The following GPR158 variants were observed in gnomAD, a reference collection of about 807,000 sequenced individuals.
The protein encoded by GPR158 is G protein-coupled receptor 158.
Under a neutral mutation model 78.2 loss-of-function variants are expected in GPR158, and 30 were observed. The ratio of observed to expected loss-of-function variants is 0.38; its 90% CI spans 0.29 to 0.52. GPR158 has a LOEUF of 0.52. GPR158 is among the 20% of genes least tolerant of loss of function. GPR158 has a pLI of 0.83. For missense variants in GPR158, 1,463 were observed against 1,523.5 expected (o/e 0.96, Z 0.66); for synonymous variants, 581 against 591.1 (o/e 0.98, Z 0.25).
At chr10:25,529,456 TAGAA>T (rs766767197) in intron 5 of GPR158, among the ~76,000 whole-genome samples, 1 of 152,138 alleles carries the variant, frequency 6.6e-6, no homozygotes, top group Non-Finnish European at 1.5e-5. Flanking sequence ...TTGGAATTCA[TAGAA>T]AGACTTCTTA....
intron 2 of GPR158, among the ~76,000 whole-genome samples, chr10:25,312,293 C>T (rs938279325): frequency 1.3e-5 from 2 of 151,910 alleles, no homozygotes; most frequent in South Asian, 2.1e-4. Flanking sequence ...ATTGTTTCAC[C>T]GAGTTATGTA....
chr10:25,396,082 CT>C (rs1349454072), intron 3 of GPR158, 69 bp downstream of exon 3: 6 of 685,456 alleles, frequency 8.8e-6, no homozygotes, highest in Non-Finnish European at 1.5e-5. Flanking sequence ...CGAAGATTTT[CT>C]TTTATCCTTG....
intron 4 of GPR158, among the ~76,000 whole-genome samples, chr10:25,423,227 G>T (rs897027357): frequency 6.6e-6 from 1 of 151,292 alleles, no homozygotes; most frequent in Admixed American, 6.6e-5. Flanking sequence ...TTATCCACTA[G>T]TTGATTGATG....
chr10:25,590,315 C>G (rs1355231364), intron 8 of GPR158, among the ~76,000 whole-genome samples: 1 of 152,058 alleles, frequency 6.6e-6, no homozygotes, highest in East Asian at 1.9e-4. Context: ...GAACTGGGCT[C>G]TTTGCTTTGT....
chr10:25,272,534 A>T (rs1020338803), intron 2 of GPR158, among the ~76,000 whole-genome samples: 1 of 152,180 alleles, frequency 6.6e-6, no homozygotes, highest in African/African-American at 2.4e-5. Context: ...TGCTTAAGTC[A>T]ATCCATAAAT....
chr10:25,354,813 A>T (rs960983651), intron 2 of GPR158, among the ~76,000 whole-genome samples: 2 of 152,104 alleles, frequency 1.3e-5, no homozygotes, highest in African/African-American at 4.8e-5. Flanking sequence ...TATTTGAAGG[A>T]TAGCTTTGCA....
rs529955326 is a variant in GPR158, at chr10:25,327,172, C to T, written c.1009-68739C>T. ...ATAAGTGAAAGAAAGCACACACACA[C>T]GCGCAAGAAGTGTGAAATGAAGAAA... On this transcript the variant is annotated intron_variant, in intron 2 of 10. Transcript: ENST00000376351. Among the ~76,000 whole-genome samples, 10 of 152,194 alleles carry T rather than the reference C, an allele frequency of 6.6e-5. No homozygotes were observed. The South Asian group carries it at 1.0e-3, about 16-fold the overall frequency.
chr10:25,572,008 A>G (rs1837015654), intron 6 of GPR158, among the ~76,000 whole-genome samples: 1 of 152,196 alleles, frequency 6.6e-6, no homozygotes, highest in African/African-American at 2.4e-5. Flanking sequence ...TTCAGAAAAT[A>G]TCTTTAATAA....
intron 4 of GPR158, among the ~76,000 whole-genome samples, chr10:25,445,908 T>C (rs926526294): frequency 6.6e-6 from 1 of 152,106 alleles, no homozygotes; most frequent in African/African-American, 2.4e-5. Flanking sequence ...ATTTTGGACA[T>C]CCTGAGGTTA....
intron 5 of GPR158, among the ~76,000 whole-genome samples, chr10:25,478,582 A>G (rs1412297855): frequency 1.3e-5 from 2 of 151,900 alleles, no homozygotes; most frequent in Non-Finnish European, 1.5e-5. Context: ...GATTTTATAA[A>G]AGATACTAAC....
chr10:25,279,572 T>C (rs1854238195), intron 2 of GPR158, among the ~76,000 whole-genome samples: 1 of 152,178 alleles, frequency 6.6e-6, no homozygotes, highest in African/African-American at 2.4e-5. Flanking sequence ...GTTATTTAAA[T>C]TAAGACATGC....
At chr10:25,285,745 T>A (rs1854342069) in intron 2 of GPR158, among the ~76,000 whole-genome samples, 1 of 152,188 alleles carries the variant, frequency 6.6e-6, no homozygotes. Context: ...ACCTCAGAAG[T>A]AATGCTTTAT....
intron 1 of GPR158, among the ~76,000 whole-genome samples, chr10:25,181,688 T>C (rs1333660067): frequency 6.6e-6 from 1 of 152,230 alleles, no homozygotes; most frequent in Admixed American, 6.5e-5. Context: ...GGTCCATGAT[T>C]ATGCACATCA....
At chr10:25,287,254 C>T (rs1854364944) in intron 2 of GPR158, among the ~76,000 whole-genome samples, 1 of 151,838 alleles carries the variant, frequency 6.6e-6, no homozygotes. Flanking sequence ...TTTCTTTTCT[C>T]CTAGCTTCAG....
intron 5 of GPR158, 76 bp downstream of exon 5, chr10:25,466,795 CACACACACACAT>C: frequency 1.5e-6 from 1 of 665,526 alleles, no homozygotes; most frequent in Non-Finnish European, 2.5e-6. Flanking sequence ...TTTACACACA[CACACACACACAT>C]ACACACACCC....
chr10:25,356,149 A>G (rs1855546970), intron 2 of GPR158, among the ~76,000 whole-genome samples: 1 of 152,008 alleles, frequency 6.6e-6, no homozygotes, highest in African/African-American at 2.4e-5. Context: ...TTTTCTTGAC[A>G]TTTGGTGCCA....
rs555528126 is a variant in GPR158, at chr10:25,323,911, T to C, written c.1009-72000T>C. On this transcript the variant is annotated intron_variant, in intron 2 of 10. Transcript: ENST00000376351. ...CTTTTATGTTATAGACATAGTTGCT[T>C]TCCTTAAACCTCGTGAACCAACTTC... 1.1e-4 allele frequency among the ~76,000 whole-genome samples: 17 copies of C among 152,320 alleles called. No individual in the cohort carries two copies. In the South Asian group the frequency reaches 3.5e-3, roughly 32 times the overall value.
chr10:25,325,114 G>C (rs1005088956), intron 2 of GPR158, among the ~76,000 whole-genome samples: 1 of 152,042 alleles, frequency 6.6e-6, no homozygotes, highest in Non-Finnish European at 1.5e-5. Flanking sequence ...AAAGTGTTAG[G>C]ATTACAGGCA....
chr10:25,462,509 A>G (rs1200894080), intron 4 of GPR158, among the ~76,000 whole-genome samples: 4 of 152,204 alleles, frequency 2.6e-5, no homozygotes, highest in Admixed American at 2.6e-4. Context: ...GATCGTTGCC[A>G]TAGTGATTCT....
Sources: gnomAD v4.1 joint callset for allele counts (sites outside exome capture counted in the v4.1 genomes callset) on GRCh38, gnomAD v4.1.1 for gene constraint, MANE v1.5 for transcripts, NCBI Gene and HGNC (gene_info 2026-07-23, HGNC 2026-07-21) for gene names.